The following KIAA1958 variants were observed in gnomAD, a reference collection of about 807,000 sequenced individuals.
KIAA1958 encodes KIAA1958, also known as uncharacterized protein KIAA1958.
In KIAA1958, 14 loss-of-function variants were observed where a neutral mutation model predicts 47.2. The observed-to-expected ratio is 0.30, with a 90% confidence interval of 0.20 to 0.46. KIAA1958 has a LOEUF of 0.46. Among genes scored for constraint, KIAA1958 ranks in the 20% least tolerant of loss-of-function variants. The pLI, the probability that KIAA1958 is intolerant of heterozygous loss-of-function variation, is 1.00. For synonymous variants in KIAA1958, 354 were observed against 353.3 expected (o/e 1.00, Z -0.02); for missense variants, 803 against 909.2 (o/e 0.88, Z 1.50).
chr9:112,643,033 C>G (rs1836919382), intron 2 of KIAA1958, among the ~76,000 whole-genome samples: 1 of 152,192 alleles, frequency 6.6e-6, no homozygotes, highest in South Asian at 2.1e-4. Flanking sequence ...GATAATTAAT[C>G]ATGTTTGAAA....
intron 1 of KIAA1958, among the ~76,000 whole-genome samples, chr9:112,537,075 C>T (rs893934650): frequency 6.6e-6 from 1 of 151,634 alleles, no homozygotes; most frequent in South Asian, 2.1e-4. Context: ...CTCCCCTCCC[C>T]TCCCCTCCCC....
chr9:112,518,024 T>TA (rs1834468159), intron 1 of KIAA1958, among the ~76,000 whole-genome samples: 1 of 152,188 alleles, frequency 6.6e-6, no homozygotes, highest in South Asian at 2.1e-4. Flanking sequence ...GTTAAAAACA[T>TA]ACACTTCCCA....
At position 112,616,788 on chromosome 9, in the gene KIAA1958, G is replaced by A. The variant is rs775981282; in HGVS notation, c.1172-28862G>A. On this transcript the variant is annotated intron_variant, in intron 2 of 3. Transcript: ENST00000337530. ...AATTTAAATTACATTTTACTGAAAT[G>A]AAACCATGTAAATGATGTAATTGAA... Among the ~76,000 whole-genome samples, 3 of 151,892 alleles carry A rather than the reference G, an allele frequency of 2.0e-5. No individual in the cohort carries two copies. In the Middle Eastern group the frequency reaches 0.01, roughly 517 times the overall value.
At chr9:112,526,749 C>T (rs970420414) in intron 1 of KIAA1958, among the ~76,000 whole-genome samples, 8 of 152,132 alleles carry the variant, frequency 5.3e-5, no homozygotes, top group Non-Finnish European at 1.5e-5. Flanking sequence ...AGGTGGAACC[C>T]GCATGGCCTA....
intron 1 of KIAA1958, among the ~76,000 whole-genome samples, chr9:112,567,740 C>T (rs193161233): frequency 1.3e-5 from 2 of 151,964 alleles, no homozygotes; most frequent in African/African-American, 4.8e-5. Flanking sequence ...GGGTGGATCA[C>T]GAGGTCAGGA....
intron 2 of KIAA1958, among the ~76,000 whole-genome samples, chr9:112,598,088 G>A (rs930755741): frequency 3.9e-5 from 6 of 152,084 alleles, no homozygotes; most frequent in African/African-American, 1.4e-4. Context: ...AGAATTTGTT[G>A]GCATAAGGAG....
In KIAA1958 at chr9:112,518,628, A is replaced by G. The variant is rs144270359; in HGVS notation, c.-25+31510A>G. On this transcript the variant is annotated intron_variant, in intron 1 of 3. Transcript: ENST00000337530. ...AAGGAAACATTTTGGAGTGATGTGT[A>G]TGTTCGTTTTTTCTAATCATGGTGA... 3.9e-3 allele frequency among the ~76,000 whole-genome samples: 595 copies of G among 152,266 alleles called. 4 individuals carry two copies. Among genetic ancestry groups the G allele is most frequent in the African/African-American group, 0.013 (558 of 41,554 alleles).
At chr9:112,637,076 A>AT (rs959936572) in intron 2 of KIAA1958, among the ~76,000 whole-genome samples, 8 of 152,112 alleles carry the variant, frequency 5.3e-5, no homozygotes, top group Admixed American at 1.3e-4. Context: ...TGTTTTCATC[A>AT]TTTTTTGGAC....
Position 112,535,078 on chromosome 9 carries a change from A to G in KIAA1958, c.-24-38979A>G, listed in dbSNP as rs368966452. 1.7e-4 allele frequency among the ~76,000 whole-genome samples: 26 copies of G among 152,342 alleles called. No homozygotes were observed. In the South Asian group the frequency reaches 3.5e-3, roughly 21 times the overall value. ...ATAAATTAAACTAAGTAACATCTCT[A>G]TTACCTTACACATTTATTTTTTATG... On this transcript the variant is annotated intron_variant, in intron 1 of 3. Coordinates refer to ENST00000337530, the MANE Select transcript of KIAA1958 (RefSeq NM_133465.4).
chr9:112,495,841 A>G (rs1165619348), intron 1 of KIAA1958, among the ~76,000 whole-genome samples: 1 of 152,236 alleles, frequency 6.6e-6, no homozygotes, highest in Non-Finnish European at 1.5e-5. Context: ...GGACATTAGC[A>G]AGCATTATGC....
In KIAA1958 at chr9:112,667,877, C is replaced by T. The variant is rs11998945; in HGVS notation, c.*7808C>T. 6,346 of 152,160 alleles carry T rather than the reference C, an allele frequency of 0.042. 194 individuals are homozygous for T. Among genetic ancestry groups the T allele is most frequent in the East Asian group, 0.12 (631 of 5,180 alleles). The allele number at this position is 152,160 out of a possible 1,614,324, so 9.4% of individuals were successfully genotyped here. ...TGCTTAGTATCCTAATTTCAGTGGG[C>T]TCTGGGCTATTAAATACCAGGACAT... On this transcript the variant is annotated 3_prime_UTR_variant, in exon 4 of 4. Transcript: ENST00000337530.
At chr9:112,512,995 G>A (rs1281251780) in intron 1 of KIAA1958, among the ~76,000 whole-genome samples, 1 of 133,486 alleles carries the variant, frequency 7.5e-6, no homozygotes, top group Non-Finnish European at 1.6e-5. Flanking sequence ...CCGCCACCAT[G>A]CCCAGCTAAT....
At chr9:112,522,606 C>T (rs1564158229) in intron 1 of KIAA1958, among the ~76,000 whole-genome samples, 1 of 152,198 alleles carries the variant, frequency 6.6e-6, no homozygotes, top group Non-Finnish European at 1.5e-5. Context: ...TATATGTGAT[C>T]ATTCTCATTG....
chr9:112,620,500 C>G (rs1013579186), intron 2 of KIAA1958, among the ~76,000 whole-genome samples: 12 of 152,214 alleles, frequency 7.9e-5, no homozygotes, highest in African/African-American at 2.9e-4. Context: ...AACACCAAGT[C>G]ATAAGCACAT....
chr9:112,571,129 A>T (rs1040017841), intron 1 of KIAA1958, among the ~76,000 whole-genome samples: 7 of 152,196 alleles, frequency 4.6e-5, no homozygotes, highest in Non-Finnish European at 8.8e-5. Flanking sequence ...AGACTCACAC[A>T]CTAATCTCTC....
chr9:112,618,935 A>G lies in KIAA1958; in HGVS notation c.1172-26715A>G. 6.7e-7 allele frequency: 1 copy of G among 1,500,468 alleles called. No individual in the cohort carries two copies. Among genetic ancestry groups the G allele is most frequent in the Non-Finnish European group, 9.0e-7 (1 of 1,114,738 alleles). 92.9% of individuals were successfully genotyped at this position (1,500,468 alleles called of 1,614,324 possible). ...CGCTTGACCAGGTGGCTTGAGCAAG[A>G]CTCCAGTTTGGTTACTGTGTCCGGA... On this transcript the variant is annotated intron_variant, in intron 2 of 3. Coordinates refer to ENST00000337530, the MANE Select transcript of KIAA1958 (RefSeq NM_133465.4). This position sits in a 1 kb window ranked among gnomAD's most constrained non-coding sequence, Gnocchi z 7.1.
chr9:112,545,434 C>G (rs1835011728), intron 1 of KIAA1958, among the ~76,000 whole-genome samples: 1 of 152,106 alleles, frequency 6.6e-6, no homozygotes, highest in African/African-American at 2.4e-5. Context: ...AAGAATAAGA[C>G]TGGAAAGGAA....
intron 1 of KIAA1958, among the ~76,000 whole-genome samples, chr9:112,523,341 C>T (rs1242724574): frequency 6.6e-6 from 1 of 152,122 alleles, no homozygotes; most frequent in East Asian, 1.9e-4. Context: ...GTCCCAGCTA[C>T]TTGTGGGGCT....
intron 1 of KIAA1958, among the ~76,000 whole-genome samples, chr9:112,490,076 A>G (rs1833939021): frequency 1.3e-5 from 2 of 152,306 alleles, no homozygotes; most frequent in Non-Finnish European, 1.5e-5. Flanking sequence ...AGCTTTTATC[A>G]TCATCCTGCA....
Sources: gnomAD v4.1 joint callset for allele counts (sites outside exome capture counted in the v4.1 genomes callset) on GRCh38, gnomAD v4.1.1 for gene constraint, Gnocchi (gnomAD v3.1) non-coding constraint, MANE v1.5 for transcripts, NCBI Gene and HGNC (gene_info 2026-07-23, HGNC 2026-07-21) for gene names.